GADL1: variants seen among roughly 807,000 people sequenced by gnomAD.
The protein encoded by GADL1 is acidic amino acid decarboxylase GADL1.
In GADL1, 71 loss-of-function variants were observed where a neutral mutation model predicts 69.5. The ratio of observed to expected loss-of-function variants is 1.02; its 90% CI spans 0.84 to 1.25. GADL1 has a LOEUF of 1.25. GADL1 is among the 50% of genes most tolerant of loss of function. GADL1 has a pLI of 0.00. For synonymous variants in GADL1, 254 were observed against 214.4 expected (o/e 1.18, Z -1.62); for missense variants, 737 against 631.8 (o/e 1.17, Z -1.79).
chr3:30,763,779 T>C (rs1696199469), intron 14 of GADL1, among the ~76,000 whole-genome samples: 1 of 47,524 alleles, frequency 2.1e-5, no homozygotes, highest in African/African-American at 8.4e-5. Flanking sequence ...ACCATATCTT[T>C]ATCTATCTCT....
At chr3:30,857,170 G>A (rs1479971041) in intron 2 of GADL1, 29 bp from the exon 3 acceptor site, 2 of 1,546,406 alleles carry the variant, frequency 1.3e-6, no homozygotes, top group South Asian at 2.4e-5. Context: ...CACAAATTGA[G>A]TATCCACCAT....
At chr3:30,755,083 C>A (rs1238988923) in intron 14 of GADL1, among the ~76,000 whole-genome samples, 1 of 152,086 alleles carries the variant, frequency 6.6e-6, no homozygotes, top group Non-Finnish European at 1.5e-5. Context: ...CCAGGGACAA[C>A]GCAGTGCTTC....
chr3:30,785,790 T>C (rs747965615), intron 13 of GADL1, among the ~76,000 whole-genome samples: 56 of 151,448 alleles, frequency 3.7e-4, no homozygotes, highest in Non-Finnish European at 6.2e-4. Flanking sequence ...AAGTTTGCAA[T>C]TTATATTTCT....
At chr3:30,760,530 T>C (rs1696102461) in intron 14 of GADL1, among the ~76,000 whole-genome samples, 1 of 152,138 alleles carries the variant, frequency 6.6e-6, no homozygotes, top group South Asian at 2.1e-4. Flanking sequence ...TCCAGCAATA[T>C]TTCCTTCTGT....
At chr3:30,801,178 T>C in intron 11 of GADL1, 90 bp from the exon 12 acceptor site, 1 of 929,470 alleles carries the variant, frequency 1.1e-6, no homozygotes, top group Non-Finnish European at 1.7e-6. Context: ...AATGTGTATA[T>C]TCTACCTGTG....
At chr3:30,816,573 G>GTTTTTTTTTTTTTT in intron 11 of GADL1, among the ~76,000 whole-genome samples, 1 of 67,136 alleles carries the variant, frequency 1.5e-5, no homozygotes, top group Non-Finnish European at 3.0e-5. Flanking sequence ...TTTTGAGACA[G>GTTTTTTTTTTTTTT]TCTTGCTCTG....
chr3:30,758,540 T>TGA (rs1373620140), intron 14 of GADL1, among the ~76,000 whole-genome samples: 2 of 152,202 alleles, frequency 1.3e-5, no homozygotes, highest in South Asian at 4.1e-4. Context: ...AGAGGGTGGT[T>TGA]GAGAGGACTC....
intron 14 of GADL1, among the ~76,000 whole-genome samples, chr3:30,730,912 T>C (rs953409225): frequency 6.6e-6 from 1 of 152,202 alleles, no homozygotes; most frequent in Non-Finnish European, 1.5e-5. Context: ...CACTCACATA[T>C]AATTTAAACC....
chr3:30,892,356 A>G (rs575552012), intron 1 of GADL1, among the ~76,000 whole-genome samples: 2 of 152,348 alleles, frequency 1.3e-5, no homozygotes, highest in East Asian at 3.9e-4. Flanking sequence ...ATCTCATCAT[A>G]CATACTTGGA....
At chr3:30,815,305 C>T (rs1697447742) in intron 11 of GADL1, among the ~76,000 whole-genome samples, 1 of 152,070 alleles carries the variant, frequency 6.6e-6, no homozygotes, top group Non-Finnish European at 1.5e-5. Flanking sequence ...AAAAGGAAGG[C>T]AGGGAGGGAA....
intron 11 of GADL1, among the ~76,000 whole-genome samples, chr3:30,803,433 A>G (rs1468746802): frequency 6.6e-6 from 1 of 152,176 alleles, no homozygotes; most frequent in Non-Finnish European, 1.5e-5. Context: ...TTATAAATTT[A>G]CTGTCACCAA....
chr3:30,888,434 A>G (rs780507999), intron 1 of GADL1, among the ~76,000 whole-genome samples: 3 of 152,338 alleles, frequency 2.0e-5, no homozygotes, highest in Non-Finnish European at 2.9e-5. Flanking sequence ...GGAGACCCTC[A>G]GGAATCCTCA....
chr3:30,733,339 GT>G (rs1695492907), intron 14 of GADL1, among the ~76,000 whole-genome samples: 1 of 152,122 alleles, frequency 6.6e-6, no homozygotes, highest in Admixed American at 6.6e-5. Flanking sequence ...TTCCAGTATA[GT>G]TTTTCTGGAA....
At chr3:30,805,855 A>G (rs1697244303) in intron 11 of GADL1, among the ~76,000 whole-genome samples, 1 of 150,586 alleles carries the variant, frequency 6.6e-6, no homozygotes. Flanking sequence ...TTCTACCTCA[A>G]ATCAGGCATT....
intron 14 of GADL1, among the ~76,000 whole-genome samples, chr3:30,751,954 A>G (rs1313063427): frequency 6.6e-6 from 1 of 152,122 alleles, no homozygotes; most frequent in African/African-American, 2.4e-5. Flanking sequence ...GAGGCTGAAG[A>G]TGAAAAGAAC....
chr3:30,745,972 C>T (rs59005329), intron 14 of GADL1, among the ~76,000 whole-genome samples: 13,046 of 146,356 alleles, frequency 0.089, 1,645 homozygotes, highest in African/African-American at 0.28. Context: ...CCTCCTGCTC[C>T]TCCTCCTCCT....
At chr3:30,745,296 C>T (rs1275401302) in intron 14 of GADL1, among the ~76,000 whole-genome samples, 1 of 151,968 alleles carries the variant, frequency 6.6e-6, no homozygotes. Flanking sequence ...CGACATTTGC[C>T]GAGCAATTCA....
At chr3:30,831,233 C>T (rs543786121) in intron 11 of GADL1, among the ~76,000 whole-genome samples, 2 of 151,976 alleles carry the variant, frequency 1.3e-5, no homozygotes, top group Admixed American at 6.6e-5. Context: ...ACTGCTTAAT[C>T]CTTTAGTCTC....
intron 13 of GADL1, among the ~76,000 whole-genome samples, chr3:30,780,306 A>T (rs1444097734): frequency 6.6e-6 from 1 of 152,156 alleles, no homozygotes; most frequent in African/African-American, 2.4e-5. Flanking sequence ...ACATCTCAGT[A>T]AACTTTTCTG....
Sources: gnomAD v4.1 joint callset for allele counts (sites outside exome capture counted in the v4.1 genomes callset) on GRCh38, gnomAD v4.1.1 for gene constraint, MANE v1.5 for transcripts, NCBI Gene and HGNC (gene_info 2026-07-23, HGNC 2026-07-21) for gene names.